The following UTS2 variants were observed in gnomAD, a reference collection of about 807,000 sequenced individuals.
UTS2 encodes the protein urotensin 2.
A neutral mutation model predicts 12.6 loss-of-function variants in UTS2; 10 were observed. The observed-to-expected ratio is 0.80, with a 90% confidence interval of 0.49 to 1.35. The LOEUF (loss-of-function observed/expected upper bound fraction) is 1.35. Among genes scored for constraint, UTS2 ranks in the 40% most tolerant of loss-of-function variants. The probability of loss-of-function intolerance (pLI) is 0.00; values close to 1 mark genes in which losing one functional copy is unlikely to be tolerated. For synonymous variants in UTS2, 52 were observed against 50.0 expected (o/e 1.04, Z -0.17); for missense variants, 142 against 143.2 (o/e 0.99, Z 0.04).
the UTS2 span, among the ~76,000 whole-genome samples, chr1:7,873,444 G>C: frequency 1.3e-5 from 2 of 152,304 alleles, no homozygotes; most frequent in Admixed American, 1.3e-4. Context: ...TAATTCATGG[G>C]ATGAGATAAA....
chr1:7,880,177 G>C, the UTS2 span, among the ~76,000 whole-genome samples: 1 of 152,062 alleles, frequency 6.6e-6, no homozygotes, highest in Admixed American at 6.6e-5. Flanking sequence ...AGGATCACCT[G>C]AGCCCAGGAG....
the UTS2 span, among the ~76,000 whole-genome samples, chr1:7,884,269 G>A: frequency 1.3e-5 from 2 of 150,626 alleles, no homozygotes; most frequent in Non-Finnish European, 3.0e-5. Flanking sequence ...TGTTTTCTGT[G>A]TGATACATAT....
chr1:7,883,548 C>T, the UTS2 span, among the ~76,000 whole-genome samples: 6 of 152,104 alleles, frequency 3.9e-5, no homozygotes, highest in Non-Finnish European at 8.8e-5. Flanking sequence ...TTAAAATGCT[C>T]CCAACACAGA....
At chr1:7,862,069 C>T in the UTS2 span, among the ~76,000 whole-genome samples, 1 of 151,936 alleles carries the variant, frequency 6.6e-6, no homozygotes, top group Non-Finnish European at 1.5e-5. Flanking sequence ...CTGCCCACCA[C>T]GCCCGGCTAA....
chr1:7,867,500 G>C, the UTS2 span, among the ~76,000 whole-genome samples: 2 of 152,202 alleles, frequency 1.3e-5, no homozygotes, highest in African/African-American at 4.8e-5. Flanking sequence ...ACCATGTGAA[G>C]ACGCAAGGAA....
the UTS2 span, among the ~76,000 whole-genome samples, chr1:7,875,882 G>A: frequency 1.3e-5 from 2 of 152,108 alleles, no homozygotes; most frequent in African/African-American, 2.4e-5. Context: ...GGGGCCTGAT[G>A]ACAGGCTTGG....
upstream of UTS2, among the ~76,000 whole-genome samples, chr1:7,856,899 A>G (rs186633): frequency 0.28 from 41,777 of 151,826 alleles, 6,766 homozygotes; most frequent in Middle Eastern, 0.43. Flanking sequence ...CATCTCTACT[A>G]AAAATACAAA....
chr1:7,884,278 A>G, the UTS2 span, among the ~76,000 whole-genome samples: 1 of 150,478 alleles, frequency 6.6e-6, no homozygotes, highest in South Asian at 2.1e-4. Context: ...TGTGATACAT[A>G]TGTACCTGGC....
At position 7,849,692 on chromosome 1, in the gene UTS2, C is replaced by T. The variant is rs1240706485; in HGVS notation, c.215-9G>A. 13 of 1,608,342 alleles carry T rather than the reference C, an allele frequency of 8.1e-6. No individual in the cohort carries two copies. Among genetic ancestry groups the T allele is most frequent in the Non-Finnish European group, 1.1e-5 (13 of 1,178,632 alleles). On this transcript the variant is annotated splice_polypyrimidine_tract_variant and intron_variant, in intron 2 of 3. Transcript: ENST00000361696. ...AATGTTGGTACTTGAGTCTGAAAAA[C>T]AGTTTTGAAGCCAGTTCATCAGATC...
At chr1:7,881,854 G>T in the UTS2 span, among the ~76,000 whole-genome samples, 1 of 152,048 alleles carries the variant, frequency 6.6e-6, no homozygotes, top group South Asian at 2.1e-4. Flanking sequence ...AAAGTTAAAG[G>T]CATCATATTA....
chr1:7,910,716 TTTTG>T, the UTS2 span, among the ~76,000 whole-genome samples: 2 of 152,088 alleles, frequency 1.3e-5, no homozygotes, highest in African/African-American at 4.8e-5. Flanking sequence ...ACAGAATATT[TTTTG>T]TTTGTTTGTT....
the UTS2 span, among the ~76,000 whole-genome samples, chr1:7,909,320 G>A: frequency 3.6e-4 from 55 of 152,030 alleles, no homozygotes; most frequent in African/African-American, 1.1e-3. Context: ...CGAGGTGGGC[G>A]GATCACCTGA....
At chr1:7,896,224 T>C in the UTS2 span, among the ~76,000 whole-genome samples, 3 of 151,674 alleles carry the variant, frequency 2.0e-5, no homozygotes, top group Non-Finnish European at 2.9e-5. Flanking sequence ...TCAAAAGTGA[T>C]ATTGCAGATA....
the UTS2 span, among the ~76,000 whole-genome samples, chr1:7,866,712 G>T: frequency 1.3e-5 from 2 of 152,134 alleles, no homozygotes; most frequent in African/African-American, 4.8e-5. The surrounding 1 kb of genome is among the most constrained non-coding windows in gnomAD (Gnocchi z 4.5). Flanking sequence ...CAGGATAGAA[G>T]TTCAGGGGCA....
the UTS2 span, among the ~76,000 whole-genome samples, chr1:7,869,996 C>T: frequency 6.6e-6 from 1 of 152,190 alleles, no homozygotes; most frequent in South Asian, 2.1e-4. Context: ...TGTGATGGTT[C>T]AGTGGGGAGA....
At chr1:7,875,287 G>C in the UTS2 span, among the ~76,000 whole-genome samples, 1 of 152,086 alleles carries the variant, frequency 6.6e-6, no homozygotes, top group South Asian at 2.1e-4. Context: ...TGTTATCCAG[G>C]ATGGTCTCCA....
At chr1:7,902,998 TCCCTCCTTCCCTCTTC>T in the UTS2 span, among the ~76,000 whole-genome samples, 14 of 118,484 alleles carry the variant, frequency 1.2e-4, no homozygotes, top group East Asian at 1.3e-3. Context: ...TCTCCCTCCC[TCCCTCCTTCCCTCTTC>T]CCCTCCTTCC....
At chr1:7,861,309 G>C in the UTS2 span, among the ~76,000 whole-genome samples, 732 of 152,278 alleles carry the variant, frequency 4.8e-3, 9 homozygotes, top group African/African-American at 0.017. Context: ...TAAACCCCTG[G>C]GAGAGAGGTC....
chr1:7,910,078 T>C, the UTS2 span, among the ~76,000 whole-genome samples: 264 of 152,282 alleles, frequency 1.7e-3, 1 homozygote, highest in African/African-American at 6.0e-3. Flanking sequence ...TATATGACAT[T>C]GCTGGAGTTC....
Sources: gnomAD v4.1 joint callset for allele counts (sites outside exome capture counted in the v4.1 genomes callset) on GRCh38, gnomAD v4.1.1 for gene constraint, Gnocchi (gnomAD v3.1) non-coding constraint, MANE v1.5 for transcripts, NCBI Gene and HGNC (gene_info 2026-07-23, HGNC 2026-07-21) for gene names.